The following FAM227B variants were observed in gnomAD, a reference collection of about 807,000 sequenced individuals.
The protein encoded by FAM227B is protein FAM227B.
FAM227B carries 88 observed loss-of-function variants against 73.8 expected under a neutral mutation model. The observed-to-expected ratio is 1.19, with a 90% CI of 1.00 to 1.42. The LOEUF is 1.42. Ranked by LOEUF, FAM227B falls within the 40% of genes most tolerant of loss-of-function variation. The probability of loss-of-function intolerance (pLI) is 0.00; values close to 1 mark genes in which losing one functional copy is unlikely to be tolerated. For missense variants in FAM227B, 632 were observed against 590.9 expected, an observed-to-expected ratio of 1.07 and a Z score of -0.72; for synonymous variants, 210 against 190.5, an observed-to-expected ratio of 1.10 and a Z score of -0.84.
chr15:49,550,645 G>A (rs2072833988), intron 9 of FAM227B, among the ~76,000 whole-genome samples: 1 of 151,702 alleles, frequency 6.6e-6, no homozygotes, highest in Middle Eastern at 3.2e-3. Context: ...TCCCAGGTGG[G>A]GCGGCGGGGC....
At chr15:49,420,479 G>T (rs1264790986) in intron 11 of FAM227B, among the ~76,000 whole-genome samples, 1 of 152,012 alleles carries the variant, frequency 6.6e-6, no homozygotes, top group South Asian at 2.1e-4. Flanking sequence ...ATATGTATGT[G>T]TATATACATA....
chr15:49,559,658 C>G (rs372308497), intron 9 of FAM227B, among the ~76,000 whole-genome samples: 1 of 152,078 alleles, frequency 6.6e-6, no homozygotes, highest in Non-Finnish European at 1.5e-5. Context: ...CACTATAGGC[C>G]GGGTGTGGTG....
intron 7 of FAM227B, chr15:49,576,388 A>G (rs1414119295): frequency 5.9e-6 from 1 of 168,170 alleles, no homozygotes; most frequent in Non-Finnish European, 1.3e-5. Flanking sequence ...AACACCCAGA[A>G]GGGTTGTGAA....
In FAM227B at chr15:49,417,381, A is replaced by G. The variant is rs980099629; in HGVS notation, c.1013-45982T>C. Among the ~76,000 whole-genome samples the G allele has an allele frequency of 2.6e-5, 4 of 152,258 alleles. No homozygotes were observed. In the South Asian group the frequency reaches 8.3e-4, roughly 32 times the overall value. On this transcript the variant is annotated intron_variant, in intron 11 of 15. Coordinates refer to ENST00000299338, the MANE Select transcript of FAM227B (RefSeq NM_152647.3). Reference sequence around the variant, plus strand: ...CAGTCTGGGTGACTCTCTTAAAAAAATAATGACAAAGCTGGAGGCATCATG... The same window carrying G: ...CAGTCTGGGTGACTCTCTTAAAAAAGTAATGACAAAGCTGGAGGCATCATG...
At chr15:49,540,823 G>A (rs764578925) in intron 10 of FAM227B, among the ~76,000 whole-genome samples, 15 of 152,038 alleles carry the variant, frequency 9.9e-5, no homozygotes, top group Admixed American at 2.0e-4. Flanking sequence ...TGGTCATTTC[G>A]TTTTTGTTTC....
At chr15:49,554,182 G>T (rs1445976571) in intron 9 of FAM227B, among the ~76,000 whole-genome samples, 1 of 152,066 alleles carries the variant, frequency 6.6e-6, no homozygotes, top group Non-Finnish European at 1.5e-5. Context: ...GCAAGTCAAA[G>T]TCCTCCCCAC....
intron 11 of FAM227B, among the ~76,000 whole-genome samples, chr15:49,460,628 C>G (rs2151925703): frequency 6.6e-6 from 1 of 152,200 alleles, no homozygotes; most frequent in Non-Finnish European, 1.5e-5. Context: ...AGTCAGAAAA[C>G]AAATATTTTA....
intron 11 of FAM227B, chr15:49,487,926 T>C (rs1473878485): frequency 2.0e-5 from 3 of 151,980 alleles, no homozygotes; most frequent in Admixed American, 1.3e-4. Context: ...TACTTGAGCG[T>C]GAATGAGACA....
intron 11 of FAM227B, among the ~76,000 whole-genome samples, chr15:49,418,790 GA>G (rs532940321): frequency 4.1e-5 from 6 of 146,702 alleles, no homozygotes; most frequent in Non-Finnish European, 7.6e-5. Context: ...ATCAAAAAAA[GA>G]AAAAAAAAGA....
intron 4 of FAM227B, 151 bp downstream of exon 4, chr15:49,589,625 A>C (rs1363338359): frequency 3.3e-6 from 2 of 599,976 alleles, no homozygotes; most frequent in African/African-American, 3.7e-5. Flanking sequence ...ACAAAAAATA[A>C]GGACTGGCCA....
chr15:49,593,971 G>A (rs2076740893), intron 3 of FAM227B, among the ~76,000 whole-genome samples: 1 of 152,096 alleles, frequency 6.6e-6, no homozygotes, highest in Admixed American at 6.5e-5. Flanking sequence ...GGATCAAATG[G>A]TAGATCTACT....
At chr15:49,521,558 T>TC (rs150867054) in intron 10 of FAM227B, among the ~76,000 whole-genome samples, 5 of 151,934 alleles carry the variant, frequency 3.3e-5, no homozygotes. Flanking sequence ...TGTGTTCAGT[T>TC]ACACCTCCCT....
intron 11 of FAM227B, among the ~76,000 whole-genome samples, chr15:49,437,116 G>A (rs971267812): frequency 4.0e-5 from 6 of 151,324 alleles, no homozygotes; most frequent in African/African-American, 1.5e-4. Context: ...GTTCTTTAGG[G>A]TCTGGAAAAT....
chr15:49,485,301 G>GT (rs1224122814), intron 11 of FAM227B: 2 of 152,128 alleles, frequency 1.3e-5, no homozygotes, highest in Admixed American at 6.6e-5. Context: ...AAATCTTTAA[G>GT]TTTTTTTCAA....
At chr15:49,364,183 G>T (rs979607093) in intron 13 of FAM227B, among the ~76,000 whole-genome samples, 2 of 152,140 alleles carry the variant, frequency 1.3e-5, no homozygotes, top group Non-Finnish European at 2.9e-5. Context: ...GTTTCAGTAG[G>T]AATGGTACCA....
At chr15:49,368,409 AAG>A (rs1430302238) in intron 12 of FAM227B, among the ~76,000 whole-genome samples, 1 of 152,114 alleles carries the variant, frequency 6.6e-6, no homozygotes, top group East Asian at 1.9e-4. Flanking sequence ...TTGATACAAA[AAG>A]TTCTCTTGAA....
chr15:49,422,617 A>G lies in FAM227B; in HGVS notation c.1013-51218T>C, dbSNP rs1031415827. ...ACCAATACACCAATTTTACAAATGT[A>G]GCAGCTGAGACTCTGGAACAGCAGG... On this transcript the variant is annotated intron_variant, in intron 11 of 15. Coordinates refer to ENST00000299338, the MANE Select transcript of FAM227B (RefSeq NM_152647.3). 1.5e-5 allele frequency: 17 copies of G among 1,133,010 alleles called. No individual in the cohort carries two copies. In the Middle Eastern group the frequency reaches 5.8e-4, roughly 39 times the overall value. The allele number at this position is 1,133,010 out of a possible 1,614,324, so 70.2% of individuals were successfully genotyped here. A position where few individuals can be genotyped will look rare whatever the true frequency, so the allele number is the denominator to read the frequency against.
At chr15:49,363,809 G>A (rs1461773608) in intron 13 of FAM227B, among the ~76,000 whole-genome samples, 1 of 151,952 alleles carries the variant, frequency 6.6e-6, no homozygotes, top group Admixed American at 6.6e-5. Context: ...GTTTGTTGAG[G>A]GTTTTTTATC....
At chr15:49,542,689 G>A (rs1244341637) in intron 9 of FAM227B, among the ~76,000 whole-genome samples, 2 of 149,974 alleles carry the variant, frequency 1.3e-5, no homozygotes, top group African/African-American at 2.4e-5. Flanking sequence ...TAATGGCTGA[G>A]TAGTATTCCA....
Sources: allele counts gnomAD v4.1 joint callset (sites outside exome capture counted in the v4.1 genomes callset), GRCh38; gene constraint gnomAD v4.1.1; transcripts MANE v1.5; gene names NCBI Gene and HGNC (gene_info 2026-07-23, HGNC 2026-07-21).